Variants in MTCH2 observed in about 807,000 individuals in gnomAD.
MTCH2 encodes the protein mitochondrial carrier 2, also known as mitochondrial carrier homolog 2.
MTCH2 carries 25 observed loss-of-function variants against 50.6 expected under a neutral mutation model. That is an observed-to-expected ratio of 0.49 (90% CI 0.36 to 0.69). The LOEUF (loss-of-function observed/expected upper bound fraction) is 0.69. MTCH2 is among the 30% of genes least tolerant of loss of function. The probability of loss-of-function intolerance (pLI) is 0.00; values close to 1 mark genes in which losing one functional copy is unlikely to be tolerated. For synonymous variants in MTCH2, 106 were observed against 132.0 expected, an observed-to-expected ratio of 0.80 and a Z score of 1.35; for missense variants, 273 against 384.4, an observed-to-expected ratio of 0.71 and a Z score of 2.42.
At chr11:47,635,682 A>G in intron 3 of MTCH2, 111 bp from the exon 4 acceptor site, 2 of 1,098,754 alleles carry the variant, frequency 1.8e-6, no homozygotes, top group Non-Finnish European at 2.6e-6. Context: ...TTTTTTTTAA[A>G]GTTTTTGTTT....
downstream of MTCH2, among the ~76,000 whole-genome samples, chr11:47,616,115 C>T (rs143840495): frequency 7.2e-5 from 11 of 152,018 alleles, no homozygotes; most frequent in South Asian, 6.3e-4. Context: ...TGTGCCACCA[C>T]GCCCAGCTAA....
intron 5 of MTCH2, 25 bp from the exon 6 acceptor site, chr11:47,631,736 T>G: frequency 6.2e-7 from 1 of 1,613,472 alleles, no homozygotes. Context: ...CACACACTTC[T>G]GAAATCTAAA....
rs542756498 is a variant in MTCH2 at position 47,617,788 on chromosome 11, T to A, written c.*1045A>T. Reference sequence around the variant, plus strand: ...ATGTTAACATGCTTAACTGAGGGTATGGCATGTGAGGTGGTCAGTGTCCTA... The same window carrying A: ...ATGTTAACATGCTTAACTGAGGGTAAGGCATGTGAGGTGGTCAGTGTCCTA... On this transcript the variant is annotated 3_prime_UTR_variant, in exon 13 of 13. Transcript: ENST00000302503. The A allele has an allele frequency of 6.6e-6, 1 of 152,330 alleles. No individual in the cohort carries two copies. Among genetic ancestry groups the A allele is most frequent in the Admixed American group, 6.5e-5 (1 of 15,294 alleles). The allele number at this position is 152,330 out of a possible 1,614,324, so 9.4% of individuals were successfully genotyped here.
At chr11:47,630,286 C>T (rs756271418) in intron 8 of MTCH2, among the ~76,000 whole-genome samples, 2 of 152,116 alleles carry the variant, frequency 1.3e-5, no homozygotes, top group East Asian at 1.9e-4. Flanking sequence ...GGATTACAGG[C>T]GTGAGCCACC....
chr11:47,624,231 C>CAAAAAAAAAAAAAAAAAAAAA, intron 11 of MTCH2, among the ~76,000 whole-genome samples: 1 of 62,102 alleles, frequency 1.6e-5, no homozygotes, highest in Non-Finnish European at 3.5e-5. Context: ...GACTCCATCT[C>CAAAAAAAAAAAAAAAAAAAAA]AAAAAAAAAA....
At chr11:47,610,557 T>C in the MTCH2 span, among the ~76,000 whole-genome samples, 2 of 151,888 alleles carry the variant, frequency 1.3e-5, no homozygotes, top group African/African-American at 4.8e-5. Context: ...ATACAAAAGT[T>C]AGCCGGGTGT....
the MTCH2 span, among the ~76,000 whole-genome samples, chr11:47,604,917 A>G: frequency 6.6e-6 from 1 of 151,548 alleles, no homozygotes; most frequent in African/African-American, 2.4e-5. Flanking sequence ...TGTCTCCCAT[A>G]TTTTTCTTTT....
intron 9 of MTCH2, 146 bp from the exon 10 acceptor site, chr11:47,627,273 A>G: frequency 1.8e-6 from 1 of 542,942 alleles, no homozygotes. Flanking sequence ...GACCTCCTGA[A>G]GCACACATCA....
At chr11:47,629,159 G>A (rs1367078392) in intron 8 of MTCH2, 113 bp from the exon 9 acceptor site, 2 of 900,336 alleles carry the variant, frequency 2.2e-6, no homozygotes, top group Admixed American at 2.2e-5. Flanking sequence ...TTCTAGGGAA[G>A]TAAAAAAGGA....
At position 47,639,030 on chromosome 11, in the gene MTCH2, G is replaced by C. The variant is rs2097311567; in HGVS notation, c.109C>G (p.Pro37Ala). ...LIQVGYEPLP[P>A]TIGRNIFGRQ... is the part of the protein sequence containing the mutation. ...CCAAAAATATTTCGTCCTATTGTTGGAGGAAGAGGCTCATATCCCACCTTT... is the reference window on the plus strand; with the variant it reads ...CCAAAAATATTTCGTCCTATTGTTGCAGGAAGAGGCTCATATCCCACCTTT... Residue 37 changes from proline (P) to alanine (A), a missense_variant, in exon 2 of 13, where the codon CCA becomes GCA. Coordinates refer to ENST00000302503, the MANE Select transcript of MTCH2 (RefSeq NM_014342.4). 3 of 1,613,282 alleles carry C rather than the reference G, an allele frequency of 1.9e-6. No individual in the cohort carries two copies. The African/African-American group carries it at 4.0e-5, about 22-fold the overall frequency.
chr11:47,623,195 A>AC (rs2097294851), intron 11 of MTCH2, among the ~76,000 whole-genome samples: 1 of 152,092 alleles, frequency 6.6e-6, no homozygotes, highest in African/African-American at 2.4e-5. Context: ...ACATGGTGAA[A>AC]CCCCATCTCT....
At chr11:47,629,568 C>A (rs1363614939) in intron 8 of MTCH2, among the ~76,000 whole-genome samples, 1 of 152,024 alleles carries the variant, frequency 6.6e-6, no homozygotes, top group African/African-American at 2.4e-5. Flanking sequence ...CATTTCCCCA[C>A]GGATTGAAGA....
chr11:47,627,595 C>A (rs1054438814), intron 9 of MTCH2, among the ~76,000 whole-genome samples: 20 of 151,708 alleles, frequency 1.3e-4, no homozygotes, highest in Non-Finnish European at 2.9e-5. Flanking sequence ...TATAGTCTAT[C>A]TCTAAATTAT....
At chr11:47,629,752 A>AC (rs1346364934) in intron 8 of MTCH2, among the ~76,000 whole-genome samples, 3 of 111,896 alleles carry the variant, frequency 2.7e-5, no homozygotes, top group Non-Finnish European at 6.4e-5. Context: ...TCTGAAAATT[A>AC]AAAAAAAAAA....
chr11:47,621,291 G>C (rs2097292937), intron 12 of MTCH2, among the ~76,000 whole-genome samples: 1 of 152,112 alleles, frequency 6.6e-6, no homozygotes, highest in East Asian at 1.9e-4. Flanking sequence ...ATAAAATAAT[G>C]CAACAAAGAG....
chr11:47,632,647 C>G, intron 5 of MTCH2, among the ~76,000 whole-genome samples: 1 of 152,030 alleles, frequency 6.6e-6, no homozygotes, highest in East Asian at 1.9e-4. Context: ...CATGAGCCAC[C>G]GTGCCTGGCC....
rs370450200 is a variant in MTCH2, at chr11:47,622,853, A to C, written c.750-77T>G. ...TGAGACGTTGATAAACCTTGTCAAAATATTCTGCTGCACAGAAGATTCCCT... is the reference window on the plus strand; with the variant it reads ...TGAGACGTTGATAAACCTTGTCAAACTATTCTGCTGCACAGAAGATTCCCT... On this transcript the variant is annotated intron_variant, in intron 11 of 12. Transcript: ENST00000302503. 3.9e-3 allele frequency: 3,654 copies of C among 931,470 alleles called. 137 individuals are homozygous for C. The South Asian group carries it at 0.061, about 16-fold the overall frequency. 57.7% of individuals were successfully genotyped at this position (931,470 alleles called of 1,614,324 possible).
chr11:47,639,506 C>T (rs1426474896), intron 1 of MTCH2, among the ~76,000 whole-genome samples: 4 of 152,240 alleles, frequency 2.6e-5, no homozygotes, highest in African/African-American at 7.2e-5. Flanking sequence ...CTGGATAATT[C>T]ACTTAGGAAA....
intron 1 of MTCH2, among the ~76,000 whole-genome samples, chr11:47,641,365 T>A (rs2097314034): frequency 6.6e-6 from 1 of 152,206 alleles, no homozygotes; most frequent in African/African-American, 2.4e-5. Context: ...ACAGGTCTAC[T>A]CAGCAAGAAA....
Sources: allele counts gnomAD v4.1 joint callset (sites outside exome capture counted in the v4.1 genomes callset), GRCh38; gene constraint gnomAD v4.1.1; transcripts MANE v1.5; gene names NCBI Gene and HGNC (gene_info 2026-07-23, HGNC 2026-07-21).